The following PLCB1 variants were observed in gnomAD, a reference collection of about 807,000 sequenced individuals.
PLCB1 encodes the protein phospholipase C beta 1, also known as 1-phosphatidylinositol 4,5-bisphosphate phosphodiesterase beta-1.
In PLCB1, 46 loss-of-function variants were observed where a neutral mutation model predicts 161.8. That is an observed-to-expected ratio of 0.28 (90% CI 0.22 to 0.36). PLCB1 has a LOEUF of 0.36. PLCB1 is among the 10% of genes least tolerant of loss of function. PLCB1 has a pLI of 1.00. For missense variants in PLCB1, 1,016 were observed against 1,472.5 expected, an observed-to-expected ratio of 0.69 and a Z score of 5.07; for synonymous variants, 517 against 503.7, an observed-to-expected ratio of 1.03 and a Z score of -0.35.
At chr20:8,615,272 G>T (rs1988013302) in intron 3 of PLCB1, among the ~76,000 whole-genome samples, 1 of 152,036 alleles carries the variant, frequency 6.6e-6, no homozygotes, top group African/African-American at 2.4e-5. Context: ...TAAGAATTTT[G>T]CAAATCAGTT....
intron 3 of PLCB1, among the ~76,000 whole-genome samples, chr20:8,460,837 G>A (rs1425029264): frequency 6.6e-6 from 1 of 152,100 alleles, no homozygotes; most frequent in African/African-American, 2.4e-5. Context: ...CTGTAGGCTG[G>A]GGCCTGAGGG....
chr20:8,322,449 C>A (rs1233487414), intron 2 of PLCB1, among the ~76,000 whole-genome samples: 1 of 151,426 alleles, frequency 6.6e-6, no homozygotes. Flanking sequence ...TATACACCAG[C>A]TAAGGAGTAA....
At chr20:8,792,875 A>G (rs947702287) in intron 31 of PLCB1, 7 of 324,696 alleles carry the variant, frequency 2.2e-5, no homozygotes, top group African/African-American at 8.6e-5. Context: ...AACAAAATCA[A>G]GTGTGAGACA....
At chr20:8,252,280 A>G (rs1568605994) in intron 2 of PLCB1, among the ~76,000 whole-genome samples, 2 of 151,972 alleles carry the variant, frequency 1.3e-5, no homozygotes, top group Admixed American at 1.3e-4. Context: ...CAAAGACAGC[A>G]TGGCTCTTCT....
At chr20:8,815,919 A>G (rs1189627008) in intron 31 of PLCB1, among the ~76,000 whole-genome samples, 1 of 152,238 alleles carries the variant, frequency 6.6e-6, no homozygotes, top group Non-Finnish European at 1.5e-5. Flanking sequence ...AAACCATAAG[A>G]TATATTAATA....
intron 12 of PLCB1, 40 bp downstream of exon 12, chr20:8,708,792 A>G: frequency 8.6e-7 from 1 of 1,157,532 alleles, no homozygotes; most frequent in Non-Finnish European, 1.3e-6. Context: ...CTTTTTCCCG[A>G]ATAGGGCATA....
chr20:8,170,506 T>TG (rs1254606610), intron 2 of PLCB1, among the ~76,000 whole-genome samples: 4 of 151,904 alleles, frequency 2.6e-5, no homozygotes, highest in African/African-American at 9.7e-5. Flanking sequence ...AAGGTCTGAG[T>TG]GAAAAAAAAG....
chr20:8,769,422 G>GA (rs879362110), intron 26 of PLCB1, among the ~76,000 whole-genome samples: 4 of 151,796 alleles, frequency 2.6e-5, no homozygotes, highest in Admixed American at 1.3e-4. Flanking sequence ...CAAAAGAAGT[G>GA]AAAAAAAGCC....
chr20:8,563,984 A>G (rs774253531), intron 3 of PLCB1, among the ~76,000 whole-genome samples: 4 of 152,172 alleles, frequency 2.6e-5, no homozygotes, highest in Non-Finnish European at 5.9e-5. Flanking sequence ...TCACAGAATT[A>G]GAAAAATTTA....
chr20:8,183,991 T>G (rs1166552639), intron 2 of PLCB1, among the ~76,000 whole-genome samples: 4 of 152,150 alleles, frequency 2.6e-5, no homozygotes, highest in African/African-American at 9.7e-5. Flanking sequence ...TTTTTCTAGA[T>G]TTTCAATATG....
intron 31 of PLCB1, among the ~76,000 whole-genome samples, chr20:8,820,505 A>T (rs1047739274): frequency 1.3e-5 from 2 of 152,204 alleles, no homozygotes; most frequent in African/African-American, 4.8e-5. Context: ...GATATGGTGC[A>T]TCTGGGACAA....
intron 2 of PLCB1, among the ~76,000 whole-genome samples, chr20:8,336,077 C>T (rs1176091653): frequency 2.0e-5 from 3 of 152,060 alleles, no homozygotes; most frequent in Admixed American, 6.6e-5. Flanking sequence ...CAAGGGGATG[C>T]GGGAAGCTAT....
chr20:8,792,580 T>C (rs1352937037), intron 31 of PLCB1: 5 of 471,182 alleles, frequency 1.1e-5, no homozygotes, highest in Non-Finnish European at 2.2e-5. Flanking sequence ...TTTTTTATTG[T>C]AAATAGGTAC....
At chr20:8,480,640 G>A (rs902237447) in intron 3 of PLCB1, among the ~76,000 whole-genome samples, 1 of 152,160 alleles carries the variant, frequency 6.6e-6, no homozygotes, top group Non-Finnish European at 1.5e-5. Flanking sequence ...CTATCCAGAT[G>A]CTCCCCCAGG....
intron 3 of PLCB1, among the ~76,000 whole-genome samples, chr20:8,427,690 A>G (rs937747861): frequency 6.6e-6 from 1 of 152,142 alleles, no homozygotes; most frequent in African/African-American, 2.4e-5. Context: ...GGGGCTGGAA[A>G]TTTGGGATTC....
intron 3 of PLCB1, among the ~76,000 whole-genome samples, chr20:8,618,312 T>C (rs1988086697): frequency 6.6e-6 from 1 of 152,140 alleles, no homozygotes; most frequent in Admixed American, 6.6e-5. Context: ...TTTTGTAAAA[T>C]TTTTTTAAAA....
At chr20:8,412,252 T>C (rs186942578) in intron 3 of PLCB1, among the ~76,000 whole-genome samples, 54 of 152,312 alleles carry the variant, frequency 3.5e-4, no homozygotes, top group Admixed American at 2.5e-3. Context: ...TGGTGAGTTA[T>C]GCTGTGTGCT....
At chr20:8,559,726 G>A (rs1316303517) in intron 3 of PLCB1, among the ~76,000 whole-genome samples, 35 of 152,020 alleles carry the variant, frequency 2.3e-4, no homozygotes, top group Non-Finnish European at 7.4e-5. Context: ...AGGACATTAT[G>A]TATTGATAAA....
intron 3 of PLCB1, among the ~76,000 whole-genome samples, chr20:8,392,710 G>C (rs1987645919): frequency 6.6e-6 from 1 of 152,172 alleles, no homozygotes; most frequent in Non-Finnish European, 1.5e-5. Flanking sequence ...AGAGTGGAAG[G>C]AACTTAGGAA....
Sources: allele counts gnomAD v4.1 joint callset (sites outside exome capture counted in the v4.1 genomes callset), GRCh38; gene constraint gnomAD v4.1.1; transcripts MANE v1.5; gene names NCBI Gene and HGNC (gene_info 2026-07-23, HGNC 2026-07-21).